Variants in SMIM7 observed in about 807,000 individuals in gnomAD.
SMIM7 encodes UPF0608 protein C19orf42.
SMIM7 carries 12 observed loss-of-function variants against 13.3 expected under a neutral mutation model. The ratio of observed to expected loss-of-function variants is 0.90; its 90% CI spans 0.58 to 1.46. The LOEUF (loss-of-function observed/expected upper bound fraction) is 1.46. Ranked by LOEUF, SMIM7 falls within the 40% of genes most tolerant of loss-of-function variation. SMIM7 has a pLI of 0.00. For missense variants in SMIM7, 114 were observed against 94.8 expected, an observed-to-expected ratio of 1.20 and a Z score of -0.84; for synonymous variants, 36 against 35.8, an observed-to-expected ratio of 1.01 and a Z score of -0.02.
chr19:16,634,071 G>A (rs2086340805), intron 4 of SMIM7: 1 of 152,162 alleles, frequency 6.6e-6, no homozygotes, highest in Non-Finnish European at 1.5e-5. Context: ...CTAATCTAAA[G>A]TGAGCTTGTA....
At chr19:16,641,672 C>G (rs1462820456), downstream of SMIM7, among the ~76,000 whole-genome samples, 2 of 152,156 alleles carry the variant, frequency 1.3e-5, no homozygotes, top group Non-Finnish European at 2.9e-5. Flanking sequence ...AATCTCGGCT[C>G]ACTGCAACCT....
chr19:16,642,280 G>A (rs1386646373), downstream of SMIM7, among the ~76,000 whole-genome samples: 2 of 152,196 alleles, frequency 1.3e-5, no homozygotes, highest in Non-Finnish European at 2.9e-5. Flanking sequence ...TATTGTGATT[G>A]AGCACGGTGG....
intron 4 of SMIM7, among the ~76,000 whole-genome samples, chr19:16,633,118 G>C (rs1204450184): frequency 6.6e-6 from 1 of 152,134 alleles, no homozygotes; most frequent in Non-Finnish European, 1.5e-5. Flanking sequence ...AATAATCTAA[G>C]CCTCAATGTG....
At chr19:16,636,823 T>C (rs2086364418) in intron 4 of SMIM7, among the ~76,000 whole-genome samples, 1 of 151,964 alleles carries the variant, frequency 6.6e-6, no homozygotes, top group South Asian at 2.1e-4. Context: ...TGTGGTAGCA[T>C]GTGCCTGTAG....
intron 4 of SMIM7, chr19:16,652,541 A>C: frequency 9.1e-7 from 1 of 1,094,204 alleles, no homozygotes; most frequent in Non-Finnish European, 1.1e-6. Flanking sequence ...TCTCCTCACA[A>C]GCCTTCTTTG....
chr19:16,631,972 C>A (rs551588945), intron 4 of SMIM7, among the ~76,000 whole-genome samples: 90 of 151,606 alleles, frequency 5.9e-4, no homozygotes, highest in African/African-American at 2.1e-3. Context: ...CAGGTTCAAG[C>A]GATTCTCCTG....
chr19:16,641,793 T>C (rs778538052), downstream of SMIM7, among the ~76,000 whole-genome samples: 14 of 152,170 alleles, frequency 9.2e-5, no homozygotes, highest in Non-Finnish European at 1.9e-4. Context: ...GAGAAAGGAT[T>C]TTGCCACAGC....
At chr19:16,643,668 A>G (rs1208808609), downstream of SMIM7, among the ~76,000 whole-genome samples, 1 of 152,210 alleles carries the variant, frequency 6.6e-6, no homozygotes, top group East Asian at 1.9e-4. Context: ...AAGTGCTGGG[A>G]TTACAGGCAT....
intron 4 of SMIM7, among the ~76,000 whole-genome samples, chr19:16,648,591 C>A (rs2086479421): frequency 3.3e-5 from 5 of 152,156 alleles, no homozygotes; most frequent in Admixed American, 2.6e-4. Context: ...TCAGCAATAA[C>A]CCAATTTTTA....
chr19:16,653,397 A>G (rs894159538), intron 4 of SMIM7, among the ~76,000 whole-genome samples: 1 of 152,146 alleles, frequency 6.6e-6, no homozygotes, highest in African/African-American at 2.4e-5. Context: ...AGCCTGACCA[A>G]CATGATGAAA....
downstream of SMIM7, chr19:16,645,970 C>T (rs1265253329): frequency 6.6e-6 from 1 of 151,990 alleles, no homozygotes; most frequent in Non-Finnish European, 1.5e-5. Flanking sequence ...CCCCACTTGC[C>T]CAATTCTTGA....
At chr19:16,638,949 C>T (rs2086381542) in intron 4 of SMIM7, 1 of 152,198 alleles carries the variant, frequency 6.6e-6, no homozygotes, top group African/African-American at 2.4e-5. Context: ...CACCTTCTTT[C>T]TCATGCACAC....
At chr19:16,642,051 A>G (rs58795233), downstream of SMIM7, among the ~76,000 whole-genome samples, 1,591 of 152,320 alleles carry the variant, frequency 0.01, 17 homozygotes, top group African/African-American at 0.025. Context: ...GGGTTCCAAC[A>G]TGAACCCCAA....
At chr19:16,635,918 ATATATGTATG>A (rs1162076133) in intron 4 of SMIM7, among the ~76,000 whole-genome samples, 8 of 145,752 alleles carry the variant, frequency 5.5e-5, no homozygotes, top group African/African-American at 2.0e-4. Flanking sequence ...ATATATATAT[ATATATGTATG>A]TATACACAAT....
chr19:16,634,084 C>T (rs996606341), intron 4 of SMIM7: 2 of 152,178 alleles, frequency 1.3e-5, no homozygotes, highest in Non-Finnish European at 2.9e-5. Flanking sequence ...AGCTTGTAAT[C>T]TCCAAAATCC....
At position 16,650,284 on chromosome 19, in the gene SMIM7, G is replaced by A. The variant is rs77881631; in HGVS notation, c.213-3023C>T. Among the ~76,000 whole-genome samples, 1,238 of 152,196 alleles carry A rather than the reference G, an allele frequency of 8.1e-3. 20 individuals carry two copies. Among genetic ancestry groups the A allele is most frequent in the African/African-American group, 0.029 (1,199 of 41,512 alleles). On this transcript the variant is annotated intron_variant, in intron 4 of 4. Coordinates refer to ENST00000487416, the MANE Select transcript of SMIM7 (RefSeq NM_024104.4). ...TATCCATCTATCTAACCATTTATCC[G>A]TATTTTTGATGTGTTTCAATGTAAG...
downstream of SMIM7, among the ~76,000 whole-genome samples, chr19:16,644,172 G>A (rs1426167871): frequency 6.9e-6 from 1 of 145,798 alleles, no homozygotes; most frequent in East Asian, 2.0e-4. Context: ...CTAGGCTGGA[G>A]TGCAATGGCG....
chr19:16,659,752 A>T (rs2086648169), intron 2 of SMIM7: 3 of 694,062 alleles, frequency 4.3e-6, no homozygotes, highest in Non-Finnish European at 7.3e-6. Flanking sequence ...ACAGAGGGAC[A>T]ACCAAGGAAC....
chr19:16,656,764 T>C (rs1254879342), intron 3 of SMIM7, among the ~76,000 whole-genome samples: 1 of 151,438 alleles, frequency 6.6e-6, no homozygotes, highest in Non-Finnish European at 1.5e-5. Flanking sequence ...CTGGGCATGG[T>C]GGTGGGTGCC....
Sources: allele counts gnomAD v4.1 joint callset (sites outside exome capture counted in the v4.1 genomes callset), GRCh38; gene constraint gnomAD v4.1.1; transcripts MANE v1.5; gene names NCBI Gene and HGNC (gene_info 2026-07-23, HGNC 2026-07-21).